The following MTMR3 variants were observed in gnomAD, a reference collection of about 807,000 sequenced individuals.
The protein encoded by MTMR3 is phosphatidylinositol-3,5-bisphosphate 3-phosphatase MTMR3.
MTMR3 carries 32 observed loss-of-function variants against 132.4 expected under a neutral mutation model. The ratio of observed to expected loss-of-function variants is 0.24; its 90% CI spans 0.18 to 0.32. MTMR3 has a LOEUF of 0.32. MTMR3 is among the 10% of genes least tolerant of loss of function. MTMR3 has a pLI of 1.00. For synonymous variants in MTMR3, 556 were observed against 550.3 expected (o/e 1.01, Z -0.14); for missense variants, 1,216 against 1,489.6 (o/e 0.82, Z 3.02).
chr22:29,946,760 T>C (rs1046686049), intron 1 of MTMR3, among the ~76,000 whole-genome samples: 1 of 145,828 alleles, frequency 6.9e-6, no homozygotes, highest in Non-Finnish European at 1.5e-5. Context: ...TTTTTTTTTT[T>C]CTAGTGGTAT....
At chr22:29,905,175 A>C (rs1400465941) in intron 1 of MTMR3, among the ~76,000 whole-genome samples, 1 of 152,138 alleles carries the variant, frequency 6.6e-6, no homozygotes, top group East Asian at 1.9e-4. Context: ...GATGGGTTCC[A>C]GGACCCCCAC....
chr22:29,965,759 A>G (rs2066403722), intron 2 of MTMR3, among the ~76,000 whole-genome samples: 1 of 152,198 alleles, frequency 6.6e-6, no homozygotes, highest in South Asian at 2.1e-4. Context: ...ATGTGACTGC[A>G]GATTGAGAGT....
At chr22:29,935,369 TA>T (rs1465929732) in intron 1 of MTMR3, among the ~76,000 whole-genome samples, 2 of 152,192 alleles carry the variant, frequency 1.3e-5, no homozygotes, top group Non-Finnish European at 2.9e-5. Flanking sequence ...ATTACAGAAC[TA>T]CTAGATGCCT....
At chr22:29,896,374 G>C (rs571846092) in intron 1 of MTMR3, among the ~76,000 whole-genome samples, 1 of 152,286 alleles carries the variant, frequency 6.6e-6, no homozygotes, top group Non-Finnish European at 1.5e-5. Context: ...TGCCAAACAA[G>C]GGTAGAATGG....
rs142167881 is a variant in MTMR3, at chr22:29,904,034, G to C, written c.-138+20675G>C. Among the ~76,000 whole-genome samples, 22 of 152,282 alleles carry C rather than the reference G, an allele frequency of 1.4e-4. No individual in the cohort carries two copies. The East Asian group carries it at 4.3e-3, about 29-fold the overall frequency. On this transcript the variant is annotated intron_variant, in intron 1 of 19. Transcript: ENST00000401950. ...AGTTTTGCCAGTAATGGGAATTGCA[G>C]GTTAACCGTTGGTCTTCTATATGTG...
intron 1 of MTMR3, among the ~76,000 whole-genome samples, chr22:29,892,115 T>C (rs2064811485): frequency 6.6e-6 from 1 of 151,406 alleles, no homozygotes; most frequent in Non-Finnish European, 1.5e-5. Flanking sequence ...ATTGTGCCAC[T>C]GCACTGCAGC....
At chr22:29,983,537 T>C (rs2066796153) in intron 5 of MTMR3, 1 of 152,218 alleles carries the variant, frequency 6.6e-6, no homozygotes, top group Non-Finnish European at 1.5e-5. Context: ...CATATAACAG[T>C]GGGAGCCTCT....
intron 17 of MTMR3, 66 bp from the exon 18 acceptor site, chr22:30,021,963 C>G: frequency 7.6e-7 from 1 of 1,309,024 alleles, no homozygotes; most frequent in Non-Finnish European, 1.1e-6. Context: ...CCTTCTTCAC[C>G]AGGCCTTTTC....
Position 30,027,749 on chromosome 22 carries a change from GAGTC to G in MTMR3, c.*1956_*1959del, listed in dbSNP as rs1446940592. ...CATATAACCCTTTTCTCCTAAAGAG[GAGTC>G]AGTCAGTGCTCCTATATTTTTCATT... On this transcript the variant is annotated 3_prime_UTR_variant, in exon 20 of 20. Coordinates refer to ENST00000401950, the MANE Select transcript of MTMR3 (RefSeq NM_021090.4). 5 of 152,704 alleles carry G rather than the reference GAGTC, an allele frequency of 3.3e-5. No homozygotes were observed. The highest frequency in any genetic ancestry group is 4.8e-5 in the African/African-American group (2 of 41,446). 9.5% of individuals were successfully genotyped at this position (152,704 alleles called of 1,614,324 possible).
intron 1 of MTMR3, among the ~76,000 whole-genome samples, chr22:29,894,953 C>T (rs2064865176): frequency 6.6e-6 from 1 of 152,170 alleles, no homozygotes; most frequent in African/African-American, 2.4e-5. Flanking sequence ...TGGCTCGTGC[C>T]TATAATACCA....
intron 9 of MTMR3, chr22:30,004,517 T>A (rs1026889968): frequency 3.9e-5 from 6 of 152,372 alleles, no homozygotes; most frequent in African/African-American, 1.4e-4. Context: ...CTAAAATTAA[T>A]TCTAGAGGGC....
At chr22:30,005,847 C>A (rs544851888) in intron 9 of MTMR3, 2 of 152,258 alleles carry the variant, frequency 1.3e-5, no homozygotes, top group Non-Finnish European at 2.9e-5. Flanking sequence ...ATGGATGAAG[C>A]CCCTGCTAGT....
At chr22:29,952,214 T>A (rs1202298327) in intron 1 of MTMR3, among the ~76,000 whole-genome samples, 1 of 152,082 alleles carries the variant, frequency 6.6e-6, no homozygotes, top group African/African-American at 2.4e-5. Context: ...ACTTACTAGA[T>A]TTTTTTCCCC....
chr22:29,951,889 G>GTTTTT (rs11331318), intron 1 of MTMR3, among the ~76,000 whole-genome samples: 8 of 131,384 alleles, frequency 6.1e-5, no homozygotes, highest in Admixed American at 1.6e-4. Context: ...ACAAGTAAAG[G>GTTTTT]TTTTTTTTTT....
intron 1 of MTMR3, among the ~76,000 whole-genome samples, chr22:29,886,129 G>A (rs1290847757): frequency 6.6e-6 from 1 of 152,126 alleles, no homozygotes; most frequent in East Asian, 1.9e-4. Flanking sequence ...ATTGATATGG[G>A]AAAAAGAACA....
At chr22:29,890,385 C>T (rs994202605) in intron 1 of MTMR3, among the ~76,000 whole-genome samples, 4 of 151,980 alleles carry the variant, frequency 2.6e-5, no homozygotes, top group South Asian at 4.2e-4. Context: ...GGTGTGGTGG[C>T]GGGCCTCTGT....
intron 10 of MTMR3, 75 bp from the exon 11 acceptor site, chr22:30,007,826 G>C: frequency 2.0e-6 from 3 of 1,535,228 alleles, no homozygotes; most frequent in Non-Finnish European, 2.7e-6. Flanking sequence ...CATAAGATGT[G>C]CTTGTGGGTC....
At chr22:29,898,130 T>C (rs2064938832) in intron 1 of MTMR3, among the ~76,000 whole-genome samples, 1 of 152,174 alleles carries the variant, frequency 6.6e-6, no homozygotes, top group Non-Finnish European at 1.5e-5. Flanking sequence ...TGTGAGCCAC[T>C]GCACTTGCCT....
intron 7 of MTMR3, chr22:29,997,390 C>T (rs550748114): frequency 6.6e-6 from 1 of 152,176 alleles, no homozygotes; most frequent in Non-Finnish European, 1.5e-5. Flanking sequence ...CTGTTTTGTG[C>T]TTTTGTTGTT....
Sources: allele counts gnomAD v4.1 joint callset (sites outside exome capture counted in the v4.1 genomes callset), GRCh38; gene constraint gnomAD v4.1.1; transcripts MANE v1.5; gene names NCBI Gene and HGNC (gene_info 2026-07-23, HGNC 2026-07-21).